SDK1: variants seen among roughly 807,000 people sequenced by gnomAD.
The protein encoded by SDK1 is protein sidekick-1.
A neutral mutation model predicts 245.5 loss-of-function variants in SDK1; 157 were observed. That is an observed-to-expected ratio of 0.64 (90% CI 0.56 to 0.73). The LOEUF (loss-of-function observed/expected upper bound fraction) is 0.73. Ranked by LOEUF, SDK1 falls within the 30% of genes least tolerant of loss-of-function variation. The pLI is 0.00. For missense variants in SDK1, 3,583 were observed against 3,002.3 expected (o/e 1.19, Z -4.52); for synonymous variants, 1,647 against 1,278.5 (o/e 1.29, Z -6.15).
chr7:3,752,186 G>T (rs890396014), intron 4 of SDK1, among the ~76,000 whole-genome samples: 2 of 152,116 alleles, frequency 1.3e-5, no homozygotes, highest in Admixed American at 1.3e-4. Flanking sequence ...TCTGTTAACT[G>T]TTCTCCATTA....
At chr7:3,723,795 CATATACACGTGT>C (rs1282844170) in intron 4 of SDK1, among the ~76,000 whole-genome samples, 6 of 138,780 alleles carry the variant, frequency 4.3e-5, no homozygotes, top group African/African-American at 1.6e-4. Context: ...CGTACTTATA[CATATACACGTGT>C]ATATACACGT....
chr7:3,930,521 A>G (rs1230623720), intron 5 of SDK1, among the ~76,000 whole-genome samples: 1 of 152,250 alleles, frequency 6.6e-6, no homozygotes, highest in African/African-American at 2.4e-5. Context: ...TACAGGTCTC[A>G]AGAACAGCAG....
At chr7:3,766,696 A>G (rs1780263144) in intron 4 of SDK1, among the ~76,000 whole-genome samples, 1 of 152,224 alleles carries the variant, frequency 6.6e-6, no homozygotes, top group Non-Finnish European at 1.5e-5. Context: ...ATAAATATAA[A>G]GCTAATATTA....
intron 4 of SDK1, among the ~76,000 whole-genome samples, chr7:3,695,221 GT>G: frequency 6.6e-6 from 1 of 152,234 alleles, no homozygotes; most frequent in South Asian, 2.1e-4. Flanking sequence ...AATTAAATAA[GT>G]ATTTCCGTCT....
chr7:3,555,731 T>A (rs1324442899), intron 1 of SDK1, among the ~76,000 whole-genome samples: 2 of 152,136 alleles, frequency 1.3e-5, no homozygotes, highest in Non-Finnish European at 2.9e-5. Context: ...TAGGAAAATA[T>A]TTAATAATCT....
At chr7:3,585,940 A>G (rs1014481946) in intron 1 of SDK1, among the ~76,000 whole-genome samples, 44 of 152,256 alleles carry the variant, frequency 2.9e-4, no homozygotes, top group African/African-American at 8.7e-4. Context: ...GCTAAAGGAG[A>G]CACAGTATGT....
chr7:3,318,008 T>C (rs1319558989), intron 1 of SDK1, among the ~76,000 whole-genome samples: 1 of 152,220 alleles, frequency 6.6e-6, no homozygotes, highest in African/African-American at 2.4e-5. Flanking sequence ...TTCCCCCTGC[T>C]TGAGGCTATC....
chr7:4,080,905 C>T (rs763239809), intron 22 of SDK1, among the ~76,000 whole-genome samples: 2 of 152,116 alleles, frequency 1.3e-5, no homozygotes, highest in Non-Finnish European at 2.9e-5. Context: ...CAGTCTTCAG[C>T]AAATGAAGAC....
At chr7:3,569,925 C>G (rs952898296) in intron 1 of SDK1, among the ~76,000 whole-genome samples, 1 of 152,182 alleles carries the variant, frequency 6.6e-6, no homozygotes, top group Non-Finnish European at 1.5e-5. Flanking sequence ...ACCACCATCT[C>G]CTTTTCCTCT....
At chr7:3,850,651 T>C (rs149565622) in intron 5 of SDK1, among the ~76,000 whole-genome samples, 116 of 152,276 alleles carry the variant, frequency 7.6e-4, no homozygotes, top group Middle Eastern at 6.8e-3. Context: ...ATGTGGCACA[T>C]ATACACCATG....
chr7:4,143,518 GGAGAGGCTGC>G (rs1779724241), intron 28 of SDK1, among the ~76,000 whole-genome samples: 2 of 152,154 alleles, frequency 1.3e-5, no homozygotes, highest in Non-Finnish European at 2.9e-5. Context: ...ACTGAGGCTG[GGAGAGGCTGC>G]ATGGCTCATC....
intron 1 of SDK1, among the ~76,000 whole-genome samples, chr7:3,308,095 G>A (rs1175523257): frequency 6.6e-6 from 1 of 152,138 alleles, no homozygotes; most frequent in Non-Finnish European, 1.5e-5. Context: ...GCCTAAAAAT[G>A]GTTCATGTTC....
At chr7:3,358,601 A>G (rs894917126) in intron 1 of SDK1, among the ~76,000 whole-genome samples, 3 of 152,196 alleles carry the variant, frequency 2.0e-5, no homozygotes, top group African/African-American at 7.2e-5. Flanking sequence ...CTGTAAAGAC[A>G]ATCTCAGAAT....
At chr7:4,044,928 C>T (rs1272845192) in intron 17 of SDK1, among the ~76,000 whole-genome samples, 6 of 152,132 alleles carry the variant, frequency 3.9e-5, no homozygotes, top group Non-Finnish European at 2.9e-5. Context: ...TTTATATTCA[C>T]CCCTTTACCC....
chr7:3,837,135 CATA>C (rs1360195346), intron 5 of SDK1, among the ~76,000 whole-genome samples: 1 of 152,178 alleles, frequency 6.6e-6, no homozygotes, highest in Non-Finnish European at 1.5e-5. Context: ...AGGGCTTTAA[CATA>C]GTAATTTTTT....
intron 1 of SDK1, among the ~76,000 whole-genome samples, chr7:3,523,665 A>G (rs1783020622): frequency 6.6e-6 from 1 of 152,192 alleles, no homozygotes; most frequent in East Asian, 1.9e-4. Flanking sequence ...GAATGAGTGC[A>G]GGATGGGGAA....
At chr7:3,792,561 C>G (rs1178704321) in intron 4 of SDK1, among the ~76,000 whole-genome samples, 1 of 152,204 alleles carries the variant, frequency 6.6e-6, no homozygotes, top group Non-Finnish European at 1.5e-5. Context: ...CTCTCACTCT[C>G]TAACCCACTG....
At chr7:3,318,149 C>T (rs1779709267) in intron 1 of SDK1, among the ~76,000 whole-genome samples, 1 of 152,214 alleles carries the variant, frequency 6.6e-6, no homozygotes, top group Non-Finnish European at 1.5e-5. Context: ...AGTCCCAGCG[C>T]ATTTTTCGCC....
chr7:3,311,182 G>T (rs1403612143), intron 1 of SDK1, among the ~76,000 whole-genome samples: 18 of 152,124 alleles, frequency 1.2e-4, no homozygotes, highest in Admixed American at 1.2e-3. Context: ...GCAGGGCGAT[G>T]GGCCTGGGGG....
Sources: allele counts gnomAD v4.1 joint callset (sites outside exome capture counted in the v4.1 genomes callset), GRCh38; gene constraint gnomAD v4.1.1; transcripts MANE v1.5; gene names NCBI Gene and HGNC (gene_info 2026-07-23, HGNC 2026-07-21).